The following USH2A variants were observed in gnomAD, a reference collection of about 807,000 sequenced individuals.
USH2A encodes usherin.
In USH2A, 443 loss-of-function variants were observed where a neutral mutation model predicts 538.9. The observed-to-expected ratio is 0.82, with a 90% CI of 0.76 to 0.89. The LOEUF (loss-of-function observed/expected upper bound fraction) is 0.89, where lower values mean the gene tolerates loss of function less well. Among genes scored for constraint, USH2A ranks in the 40% least tolerant of loss-of-function variants. The probability of loss-of-function intolerance (pLI) is 0.00; values close to 1 mark genes in which losing one functional copy is unlikely to be tolerated. For synonymous variants in USH2A, 2,413 were observed against 2,273.5 expected, an observed-to-expected ratio of 1.06 and a Z score of -1.75; for missense variants, 6,633 against 6,324.8, an observed-to-expected ratio of 1.05 and a Z score of -1.65.
At chr1:216,394,960 C>T (rs577204278) in intron 3 of USH2A, among the ~76,000 whole-genome samples, 18 of 152,144 alleles carry the variant, frequency 1.2e-4, no homozygotes, top group African/African-American at 3.9e-4. Context: ...CCTTGTGATC[C>T]AGCCGCCTCG....
intron 37 of USH2A, among the ~76,000 whole-genome samples, chr1:215,959,654 CT>C (rs1234249834): frequency 3.3e-5 from 5 of 152,174 alleles, no homozygotes; most frequent in African/African-American, 9.6e-5. Flanking sequence ...CATTTACCCT[CT>C]TTTTTCCCCC....
intron 20 of USH2A, among the ~76,000 whole-genome samples, chr1:216,188,189 C>T (rs796762754): frequency 1.2e-4 from 18 of 151,152 alleles, no homozygotes; most frequent in African/African-American, 3.6e-4. Context: ...TCATCTTTTA[C>T]GCAACAGGAT....
At chr1:215,777,546 T>C (rs1267175274) in intron 55 of USH2A, among the ~76,000 whole-genome samples, 1 of 152,232 alleles carries the variant, frequency 6.6e-6, no homozygotes, top group Non-Finnish European at 1.5e-5. Context: ...TTCAAAACCC[T>C]GTAATTAACA....
intron 60 of USH2A, among the ~76,000 whole-genome samples, chr1:215,736,395 G>A (rs557182658): frequency 6.6e-6 from 1 of 152,216 alleles, no homozygotes; most frequent in East Asian, 1.9e-4. Context: ...AGAATACAAA[G>A]TCCTAAAATG....
chr1:215,870,710 T>C (rs1043351362), intron 43 of USH2A, among the ~76,000 whole-genome samples: 17 of 152,164 alleles, frequency 1.1e-4, no homozygotes, highest in African/African-American at 4.1e-4. Context: ...TACATATATA[T>C]GTTGATTCAC....
intron 13 of USH2A, 49 bp downstream of exon 13, chr1:216,246,536 C>A (rs774441573): frequency 1.8e-5 from 29 of 1,613,106 alleles, no homozygotes; most frequent in Non-Finnish European, 2.0e-5. Flanking sequence ...CCTAAGTTAA[C>A]AAAAGGAATG....
chr1:216,362,539 G>C (rs1054489847), intron 4 of USH2A, among the ~76,000 whole-genome samples: 2 of 152,110 alleles, frequency 1.3e-5, no homozygotes, highest in African/African-American at 2.4e-5. Flanking sequence ...TTATGCATTA[G>C]AGCAATCTCT....
intron 43 of USH2A, among the ~76,000 whole-genome samples, chr1:215,875,439 C>T (rs1664738759): frequency 6.6e-6 from 1 of 152,148 alleles, no homozygotes. Flanking sequence ...CTGCACACTT[C>T]CCTTCCGGAA....
chr1:216,213,347 G>A (rs888984812), intron 15 of USH2A, among the ~76,000 whole-genome samples: 1 of 151,954 alleles, frequency 6.6e-6, no homozygotes, highest in East Asian at 1.9e-4. Context: ...TTGATTACCT[G>A]CTCTGGCTAA....
At chr1:215,751,803 T>A (rs1010977318) in intron 58 of USH2A, among the ~76,000 whole-genome samples, 3 of 152,130 alleles carry the variant, frequency 2.0e-5, no homozygotes, top group Admixed American at 6.5e-5. Flanking sequence ...CAAACAATAA[T>A]GGAGTTTTAC....
At chr1:215,828,007 A>C (rs1387168356) in intron 47 of USH2A, among the ~76,000 whole-genome samples, 1 of 152,220 alleles carries the variant, frequency 6.6e-6, no homozygotes, top group Non-Finnish European at 1.5e-5. Context: ...TCAAGGATAG[A>C]AGAGATTCCC....
At chr1:216,362,636 T>A (rs2038515671) in intron 4 of USH2A, among the ~76,000 whole-genome samples, 1 of 152,118 alleles carries the variant, frequency 6.6e-6, no homozygotes, top group Non-Finnish European at 1.5e-5. Flanking sequence ...ATAATTATAA[T>A]AACATTAATA....
At chr1:215,705,620 T>C (rs1659161822) in intron 61 of USH2A, among the ~76,000 whole-genome samples, 1 of 152,152 alleles carries the variant, frequency 6.6e-6, no homozygotes, top group South Asian at 2.1e-4. Flanking sequence ...TCCCCTATGG[T>C]AAAAGGTCAG....
chr1:215,650,608 T>C lies in USH2A; in HGVS notation c.14327A>G (p.His4776Arg). The change falls in exon 65 of 72, where the codon CAT (histidine) becomes CGT (arginine). Residue 4776 changes from histidine to arginine, a missense_variant. Physicochemically the swap from His to Arg is conservative, Grantham distance 29 (BLOSUM62 0). Transcript: ENST00000307340. ...GCTGCTCACCACTGTCTCAGCCCCA[T>C]GGGCGCTGCTGGAGAACAGCCTGTA... ...SLYRLFSSSA[H>R]GAETVLSEGM... The C allele has an allele frequency of 6.2e-7, 1 of 1,614,130 alleles. No homozygotes were observed. The highest frequency in any genetic ancestry group is 1.3e-5 in the African/African-American group (1 of 75,030).
chr1:215,935,795 A>G (rs1380834539), intron 37 of USH2A, among the ~76,000 whole-genome samples: 1 of 152,068 alleles, frequency 6.6e-6, no homozygotes, highest in Non-Finnish European at 1.5e-5. Flanking sequence ...AAATGATACA[A>G]TAACTCTTAA....
chr1:216,317,466 G>A (rs544315859), intron 9 of USH2A, among the ~76,000 whole-genome samples: 1 of 152,004 alleles, frequency 6.6e-6, no homozygotes, highest in Non-Finnish European at 1.5e-5. Flanking sequence ...ACCTAGGTGA[G>A]GGGATGATCT....
At position 215,640,590 on chromosome 1, in the gene USH2A, G is replaced by A. The variant is rs1453030908; in HGVS notation, c.14936C>T (p.Thr4979Ile). 6.2e-7 allele frequency: 1 copy of A among 1,613,674 alleles called. No homozygotes were observed. The highest frequency in any genetic ancestry group is 8.5e-7 in the Non-Finnish European group (1 of 1,179,968). Reference sequence around the variant, plus strand: ...CGCCGTTCTCGGTATGTAGAGGGTGGTGTCCAAGCCGCTGTACACGCGTCG... The same window carrying A: ...CGCCGTTCTCGGTATGTAGAGGGTGATGTCCAAGCCGCTGTACACGCGTCG... The part of the protein sequence containing the change: ...GGRRVYSGLD[T>I]TLYIPRTADK... The change falls in exon 68 of 72, where the codon ACC becomes ATC. Residue 4979 changes from threonine (T) to isoleucine (I), a missense_variant. Coordinates refer to ENST00000307340, the MANE Select transcript of USH2A (RefSeq NM_206933.4).
chr1:216,358,800 C>A (rs1165246354), intron 4 of USH2A, among the ~76,000 whole-genome samples: 1 of 152,122 alleles, frequency 6.6e-6, no homozygotes, highest in African/African-American at 2.4e-5. Flanking sequence ...TACATGTTTT[C>A]TAATCAGGAG....
chr1:215,736,042 A>G (rs1271012747), intron 60 of USH2A, among the ~76,000 whole-genome samples: 1 of 152,170 alleles, frequency 6.6e-6, no homozygotes, highest in Non-Finnish European at 1.5e-5. Flanking sequence ...AAGGTCATAT[A>G]ACTAGTAAGT....
Sources: gnomAD v4.1 joint callset for allele counts (sites outside exome capture counted in the v4.1 genomes callset) on GRCh38, gnomAD v4.1.1 for gene constraint, MANE v1.5 for transcripts, NCBI Gene and HGNC (gene_info 2026-07-23, HGNC 2026-07-21) for gene names.